The following UROC1 variants were observed in gnomAD, a reference collection of about 807,000 sequenced individuals.
UROC1 encodes urocanate hydratase 1.
UROC1 carries 79 observed loss-of-function variants against 89.5 expected under a neutral mutation model. The ratio of observed to expected loss-of-function variants is 0.88; its 90% confidence interval spans 0.74 to 1.06. The LOEUF is 1.06. Among genes scored for constraint, UROC1 ranks in the 50% least tolerant of loss-of-function variants. The probability of loss-of-function intolerance (pLI) is 0.00; values close to 1 mark genes in which losing one functional copy is unlikely to be tolerated. For synonymous variants in UROC1, 361 were observed against 354.8 expected, an observed-to-expected ratio of 1.02 and a Z score of -0.20; for missense variants, 885 against 907.8, an observed-to-expected ratio of 0.97 and a Z score of 0.32.
chr3:126,502,345 G>C (rs1935946905), intron 9 of UROC1, among the ~76,000 whole-genome samples: 1 of 150,378 alleles, frequency 6.6e-6, no homozygotes, highest in Admixed American at 6.6e-5. Context: ...GTGTGCGTTT[G>C]TGTGTTTGTG....
chr3:126,495,093 G>A (rs1297685756), intron 15 of UROC1, among the ~76,000 whole-genome samples: 5 of 152,212 alleles, frequency 3.3e-5, no homozygotes, highest in African/African-American at 1.2e-4. Context: ...TCTTTCCTCT[G>A]CAGGGCTGCC....
intron 15 of UROC1, among the ~76,000 whole-genome samples, chr3:126,493,747 T>A (rs896229768): frequency 6.6e-6 from 1 of 152,212 alleles, no homozygotes; most frequent in African/African-American, 2.4e-5. Flanking sequence ...AAATTTTACG[T>A]TTATGTATAA....
intron 6 of UROC1, among the ~76,000 whole-genome samples, chr3:126,507,416 AAAG>A (rs1391432883): frequency 6.6e-6 from 1 of 152,226 alleles, no homozygotes; most frequent in African/African-American, 2.4e-5. Flanking sequence ...GCCACATGAT[AAAG>A]TGAGTATGGT....
At chr3:126,513,932 C>T (rs1211929572) in intron 1 of UROC1, among the ~76,000 whole-genome samples, 1 of 152,174 alleles carries the variant, frequency 6.6e-6, no homozygotes, top group Non-Finnish European at 1.5e-5. Context: ...AAGCTCAATA[C>T]CAAGCCCCTG....
At chr3:126,511,552 A>G (rs113588623) in intron 1 of UROC1, among the ~76,000 whole-genome samples, 33 of 152,370 alleles carry the variant, frequency 2.2e-4, no homozygotes, top group Middle Eastern at 3.4e-3. Context: ...GACTTCTTTC[A>G]TAATCAGTTG....
chr3:126,498,115 G>A lies in UROC1; in HGVS notation c.1374C>T (p.Pro458=), dbSNP rs1560120548. The A allele has an allele frequency of 1.2e-6, 2 of 1,614,040 alleles. No individual in the cohort carries two copies. The highest frequency in any genetic ancestry group is 1.3e-5 in the African/African-American group (1 of 74,932). Reference sequence around the variant, plus strand: ...GTTCGTCTGTGACCGCCAGGTCCTGGGGGTCCCCCGATGTGCACACCCAGC... The same window carrying A: ...GTTCGTCTGTGACCGCCAGGTCCTGAGGGTCCCCCGATGTGCACACCCAGC... The part of the protein sequence containing the change: ...PFRWVCTSGD[P]QDLAVTDELA... The change falls in exon 14 of 20, where the codon CCC becomes CCT. Residue 458 remains proline (P), a synonymous_variant. Coordinates refer to ENST00000290868, the MANE Select transcript of UROC1 (RefSeq NM_144639.3).
Position 126,498,112 on chromosome 3 carries a change from C to T in UROC1, c.1377G>A (p.Gln459=), listed in dbSNP as rs372811820. 9.9e-6 allele frequency: 16 copies of T among 1,614,184 alleles called. No individual in the cohort carries two copies. In the African/African-American group the frequency reaches 2.1e-4, roughly 22 times the overall value. ...CCAGTTCGTCTGTGACCGCCAGGTC[C>T]TGGGGGTCCCCCGATGTGCACACCC... ...FRWVCTSGDP[Q]DLAVTDELAT... is the part of the protein sequence containing the mutation. Residue 459 remains glutamine (Q), a synonymous_variant, in exon 14 of 20, where the codon CAG becomes CAA. Coordinates refer to ENST00000290868, the MANE Select transcript of UROC1 (RefSeq NM_144639.3).
intron 5 of UROC1, 34 bp downstream of exon 5, chr3:126,507,933 T>C: frequency 6.2e-7 from 1 of 1,613,570 alleles, no homozygotes; most frequent in Non-Finnish European, 8.5e-7. Flanking sequence ...TTTGGAGCCC[T>C]GGGCAGGTGC....
In UROC1 at chr3:126,489,323, G is replaced by T. The variant is rs781194422; in HGVS notation, c.1661C>A (p.Pro554His). Residue 554 changes from proline (P) to histidine (H), a missense_variant, in exon 17 of 20, where the codon CCC (proline) becomes CAC (histidine). By Grantham distance (77) the Pro-to-His change is moderately conservative. Transcript: ENST00000290868. The stretch of plus-strand genomic sequence containing the variant: ...GTAAATGTTGGAGGTCTCCCTAAAG[G>T]GGCTGTCGGTGCCGCTCACGTCATG... ...DHHDVSGTDS[P>H]FRETSNIYDG... The T allele has an allele frequency of 6.2e-7, 1 of 1,613,712 alleles. No individual in the cohort carries two copies. The highest frequency in any genetic ancestry group is 1.1e-5 in the South Asian group (1 of 91,086).
Position 126,517,708 on chromosome 3 carries a change from G to A in UROC1, c.12C>T (p.Leu4=), listed in dbSNP as rs772828006. The stretch of plus-strand genomic sequence containing the variant: ...GGGGCAGGCCAGAGCACAGCGCCTG[G>A]AGGCTAGACATGTGTGACTGAGATG... MSS[L]QALCSGLPLR... The change falls in exon 1 of 20, where the codon CTC becomes CTT. Residue 4 remains leucine (L), a synonymous_variant. Transcript: ENST00000290868. The A allele has an allele frequency of 3.8e-6, 6 of 1,580,494 alleles. No homozygotes were observed. The South Asian group carries it at 6.9e-5, about 18-fold the overall frequency.
Position 126,509,424 on chromosome 3 carries a change from T to C in UROC1, c.351+161A>G, listed in dbSNP as rs534291108. On this transcript the variant is annotated intron_variant, in intron 3 of 19. Coordinates refer to ENST00000290868, the MANE Select transcript of UROC1 (RefSeq NM_144639.3). ...GTACTATAGACACGGATGCAAACAC[T>C]GGGGGAAGCCGAGGGAAGGGCCAGG... Among the ~76,000 whole-genome samples the C allele has an allele frequency of 2.0e-4, 30 of 152,224 alleles. No individual in the cohort carries two copies. The East Asian group carries it at 5.6e-3, about 28-fold the overall frequency.
chr3:126,508,233 T>A, intron 4 of UROC1, 138 bp from the exon 5 acceptor site: 1 of 1,513,918 alleles, frequency 6.6e-7, no homozygotes, highest in South Asian at 1.1e-5. Flanking sequence ...GGTGCCTCCC[T>A]CAACACCACC....
At chr3:126,487,386 G>A (rs528325673) in intron 18 of UROC1, among the ~76,000 whole-genome samples, 10 of 152,362 alleles carry the variant, frequency 6.6e-5, no homozygotes, top group Non-Finnish European at 1.0e-4. Context: ...GTGTTGGAAA[G>A]GACATAGCCT....
chr3:126,492,777 C>T (rs1309590388), intron 15 of UROC1, among the ~76,000 whole-genome samples: 1 of 152,190 alleles, frequency 6.6e-6, no homozygotes, highest in East Asian at 1.9e-4. Context: ...ACACCTCCCC[C>T]AATCCCAGAT....
chr3:126,501,343 C>T (rs762193682), intron 9 of UROC1, 63 bp from the exon 10 acceptor site: 1 of 1,590,838 alleles, frequency 6.3e-7, no homozygotes, highest in Non-Finnish European at 8.6e-7. Flanking sequence ...CCCAGACACA[C>T]CTGCACCCCA....
At chr3:126,493,010 G>A (rs1388415884) in intron 15 of UROC1, among the ~76,000 whole-genome samples, 3 of 152,274 alleles carry the variant, frequency 2.0e-5, no homozygotes, top group South Asian at 2.1e-4. Context: ...TCCAGATGAG[G>A]AAATGGCCCC....
chr3:126,497,828 C>T (rs946600525), intron 14 of UROC1, among the ~76,000 whole-genome samples: 2 of 152,234 alleles, frequency 1.3e-5, no homozygotes, highest in African/African-American at 4.8e-5. Context: ...TGTGCCTCCA[C>T]GGCTGAGAAC....
chr3:126,499,579 T>C (rs1205353067), intron 12 of UROC1, among the ~76,000 whole-genome samples, 170 bp from the exon 13 acceptor site: 1 of 152,196 alleles, frequency 6.6e-6, no homozygotes, highest in Non-Finnish European at 1.5e-5. Context: ...CTGCTGTCTG[T>C]GTGGCCAGGT....
intron 14 of UROC1, 34 bp downstream of exon 14, chr3:126,498,017 A>G: frequency 6.2e-7 from 1 of 1,613,542 alleles, no homozygotes; most frequent in African/African-American, 1.3e-5. Flanking sequence ...TGGGGGGGCC[A>G]CCCACCCATG....
Sources: allele counts gnomAD v4.1 joint callset (sites outside exome capture counted in the v4.1 genomes callset), GRCh38; gene constraint gnomAD v4.1.1; transcripts MANE v1.5; gene names NCBI Gene and HGNC (gene_info 2026-07-23, HGNC 2026-07-21).